Variants in AKNA observed in about 807,000 individuals in gnomAD.
AKNA encodes the protein microtubule organization protein AKNA.
AKNA carries 67 observed loss-of-function variants against 138.8 expected under a neutral mutation model. The observed-to-expected ratio is 0.48, with a 90% CI of 0.40 to 0.59. The LOEUF is 0.59. Among genes scored for constraint, AKNA ranks in the 20% least tolerant of loss-of-function variants. The pLI is 0.00. For missense variants in AKNA, 1,813 were observed against 1,880.4 expected, an observed-to-expected ratio of 0.96 and a Z score of 0.66; for synonymous variants, 737 against 754.4, an observed-to-expected ratio of 0.98 and a Z score of 0.38.
At chr9:114,357,789 G>A in intron 12 of AKNA, 132 bp downstream of exon 12, 3 of 1,421,820 alleles carry the variant, frequency 2.1e-6, no homozygotes, top group East Asian at 2.4e-5. Context: ...AGGTGGGATT[G>A]TGGCTGGCAG....
intron 11 of AKNA, among the ~76,000 whole-genome samples, chr9:114,358,582 C>T (rs1230421117): frequency 1.4e-5 from 2 of 146,268 alleles, no homozygotes; most frequent in South Asian, 2.1e-4. Flanking sequence ...ATATAAGAAA[C>T]CTGAATATTA....
chr9:114,355,796 G>A (rs550049548), intron 14 of AKNA, 129 bp downstream of exon 14: 10 of 1,010,528 alleles, frequency 9.9e-6, no homozygotes, highest in Admixed American at 5.9e-5. Flanking sequence ...TTTTGTCCAC[G>A]TTATCTGTAA....
chr9:114,343,028 G>C (rs112428689), intron 19 of AKNA, among the ~76,000 whole-genome samples: 3,201 of 152,344 alleles, frequency 0.021, 94 homozygotes, highest in African/African-American at 0.073. Context: ...GTGCCCTTGG[G>C]CAAGTTACTT....
downstream of AKNA, chr9:114,333,160 G>A (rs1298566048): frequency 2.6e-6 from 4 of 1,518,664 alleles, no homozygotes; most frequent in Admixed American, 7.8e-5. Flanking sequence ...GATCAGGACA[G>A]AGACTTGGGG....
chr9:114,365,879 T>A (rs1832310106), intron 6 of AKNA, among the ~76,000 whole-genome samples: 1 of 152,180 alleles, frequency 6.6e-6, no homozygotes, highest in African/African-American at 2.4e-5. Context: ...GCACTAGACA[T>A]GAGGGGTCAG....
rs147606451 is a variant in AKNA, at chr9:114,361,843, G to A, written c.1985C>T (p.Thr662Ile). 2,982 of 1,612,128 alleles carry A rather than the reference G, an allele frequency of 1.8e-3. 2 individuals are homozygous for A. Among genetic ancestry groups the A allele is most frequent in the Non-Finnish European group, 2.4e-3 (2,788 of 1,180,000 alleles). The change falls in exon 9 of 22, where the codon ACC (threonine) becomes ATC (isoleucine). Residue 662 changes from threonine (T) to isoleucine (I), a missense_variant. By Grantham distance (89) the Thr-to-Ile change is moderately conservative. Coordinates refer to ENST00000374088, the MANE Select transcript of AKNA (RefSeq NM_001317950.2). The stretch of plus-strand genomic sequence containing the variant: ...CCCGGGCGGCTCAGGCTCTTGCTGG[G>A]TCTGGTCTATGTGTTCCTTCAGCTC... ...LEELKEHIDQ[T>I]QQEPEPPGSD... is the part of the protein sequence containing the mutation.
At chr9:114,348,785 G>T (rs1026687851) in intron 15 of AKNA, 36 of 448,852 alleles carry the variant, frequency 8.0e-5, no homozygotes, top group African/African-American at 6.8e-4. Flanking sequence ...ACGGAGCAGC[G>T]TTAGAGCCAG....
downstream of AKNA, among the ~76,000 whole-genome samples, chr9:114,332,352 G>GCCA: frequency 6.6e-6 from 1 of 152,180 alleles, no homozygotes; most frequent in East Asian, 1.9e-4. Context: ...CTGCAGCACG[G>GCCA]CCACAGTCAC....
chr9:114,381,992 C>T (rs116503409), intron 1 of AKNA, among the ~76,000 whole-genome samples: 2,180 of 152,250 alleles, frequency 0.014, 48 homozygotes, highest in African/African-American at 0.05. Flanking sequence ...GGATGAGGAG[C>T]CCAGTGGCCA....
chr9:114,374,954 A>G (rs1833057504), intron 3 of AKNA, among the ~76,000 whole-genome samples: 1 of 152,260 alleles, frequency 6.6e-6, no homozygotes, highest in Non-Finnish European at 1.5e-5. Context: ...TGCAGGAATG[A>G]GAGCATTAGC....
chr9:114,333,044 A>T (rs1480186958), downstream of AKNA: 2 of 1,589,984 alleles, frequency 1.3e-6, no homozygotes, highest in Non-Finnish European at 8.6e-7. Context: ...CTTCTCCCTC[A>T]CCCCAATTCC....
chr9:114,344,293 A>G (rs963979400), intron 18 of AKNA: 2 of 163,302 alleles, frequency 1.2e-5, no homozygotes, highest in Non-Finnish European at 2.7e-5. Flanking sequence ...ACATGGGGAT[A>G]AACATAGCGC....
chr9:114,338,078 A>G (rs1830115776), intron 21 of AKNA, among the ~76,000 whole-genome samples: 1 of 152,104 alleles, frequency 6.6e-6, no homozygotes, highest in Non-Finnish European at 1.5e-5. Context: ...TGTGTGGTGG[A>G]GGAGGGAGAT....
intron 12 of AKNA, among the ~76,000 whole-genome samples, chr9:114,357,690 C>G (rs973715955): frequency 3.9e-5 from 6 of 152,162 alleles, no homozygotes; most frequent in African/African-American, 1.4e-4. Flanking sequence ...GAAGTATAAG[C>G]AATGGGTTGC....
chr9:114,392,541 G>A (rs1359378581), upstream of AKNA, among the ~76,000 whole-genome samples: 1 of 152,224 alleles, frequency 6.6e-6, no homozygotes, highest in South Asian at 2.1e-4. Flanking sequence ...TTATTTTACT[G>A]GGTTCTTGGG....
Position 114,356,080 on chromosome 9 carries a change from G to A in AKNA, c.2903C>T (p.Ser968Phe), listed in dbSNP as rs1484656315. 1.2e-6 allele frequency: 2 copies of A among 1,614,064 alleles called. No homozygotes were observed. Among genetic ancestry groups the A allele is most frequent in the South Asian group, 1.1e-5 (1 of 91,090 alleles). Residue 968 changes from serine (S) to phenylalanine (F), a missense_variant, in exon 14 of 22, where the codon TCC (serine) becomes TTC (phenylalanine). Transcript: ENST00000374088. ...CAGAGAACCCCTGGCCTTGGGGTAG[G>A]AAGCTCCATCCCTGGGCACAGATGC... is the stretch of plus-strand genomic sequence containing the variant. Reference protein sequence around the residue: ...FAASVPRDGASYPKARGSLIP... With the variant: ...FAASVPRDGAFYPKARGSLIP...
intron 11 of AKNA, 81 bp downstream of exon 11, chr9:114,359,513 G>A (rs1831763142): frequency 3.1e-6 from 5 of 1,609,356 alleles, no homozygotes; most frequent in Non-Finnish European, 3.4e-6. Flanking sequence ...GTGAAGCGCT[G>A]TCTTATTCAC....
chr9:114,359,542 T>C, intron 11 of AKNA, 52 bp downstream of exon 11: 1 of 1,613,176 alleles, frequency 6.2e-7, no homozygotes, highest in South Asian at 1.1e-5. Flanking sequence ...TGATCATCCC[T>C]GTGGTTTTAG....
At chr9:114,384,694 T>C (rs1466032786) in intron 1 of AKNA, among the ~76,000 whole-genome samples, 2 of 152,238 alleles carry the variant, frequency 1.3e-5, no homozygotes, top group East Asian at 3.8e-4. Flanking sequence ...CAGTACATAA[T>C]ACATATAAGA....
Sources: allele counts gnomAD v4.1 joint callset (sites outside exome capture counted in the v4.1 genomes callset), GRCh38; gene constraint gnomAD v4.1.1; transcripts MANE v1.5; gene names NCBI Gene and HGNC (gene_info 2026-07-23, HGNC 2026-07-21).